PTPRA: variants seen among roughly 807,000 people sequenced by gnomAD.
PTPRA encodes protein tyrosine phosphatase receptor type A, also known as receptor-type tyrosine-protein phosphatase alpha.
In PTPRA, 25 loss-of-function variants were observed where a neutral mutation model predicts 104.8. That is an observed-to-expected ratio of 0.24 (90% CI 0.17 to 0.33). The LOEUF is 0.33. PTPRA is among the 10% of genes least tolerant of loss of function. The pLI, the probability that PTPRA is intolerant of heterozygous loss-of-function variation, is 1.00. For synonymous variants in PTPRA, 323 were observed against 368.9 expected (o/e 0.88, Z 1.43); for missense variants, 765 against 1,015.3 (o/e 0.75, Z 3.35).
chr20:2,944,039 CTTTTTTTTTTT>C (rs398061270), intron 2 of PTPRA, among the ~76,000 whole-genome samples: 2 of 127,596 alleles, frequency 1.6e-5, no homozygotes, highest in African/African-American at 5.8e-5. Flanking sequence ...CTCTACTGGT[CTTTTTTTTTTT>C]TTTTTTTTTA....
At chr20:2,962,681 A>T (rs1168186414) in intron 3 of PTPRA, among the ~76,000 whole-genome samples, 6 of 152,188 alleles carry the variant, frequency 3.9e-5, no homozygotes, top group African/African-American at 1.4e-4. Context: ...TATAAAATGT[A>T]AGTTTTATGA....
chr20:2,964,154 T>A, intron 3 of PTPRA, 118 bp from the exon 4 acceptor site: 2 of 802,242 alleles, frequency 2.5e-6, no homozygotes, highest in Non-Finnish European at 4.1e-6. Flanking sequence ...TCCCAAAAGA[T>A]CATTGGTTTA....
chr20:2,972,020 G>C (rs1234135294), intron 5 of PTPRA, among the ~76,000 whole-genome samples: 2 of 152,006 alleles, frequency 1.3e-5, no homozygotes. Context: ...TTTTAGTAGA[G>C]ACGTGGTTTC....
chr20:3,017,787 C>G (rs372379279), intron 12 of PTPRA, 29 bp from the exon 13 acceptor site: 13 of 1,583,718 alleles, frequency 8.2e-6, no homozygotes, highest in Non-Finnish European at 1.1e-5. Context: ...GGTGTATATT[C>G]TCTTCATTTT....
intron 2 of PTPRA, among the ~76,000 whole-genome samples, chr20:2,929,279 A>C (rs1302362337): frequency 6.6e-6 from 1 of 151,948 alleles, no homozygotes; most frequent in Non-Finnish European, 1.5e-5. Flanking sequence ...CTGTTTCTTA[A>C]ACTAGTCTTC....
Position 2,909,798 on chromosome 20 carries a change from TAA to T in PTPRA, c.-128-13408_-128-13407del, listed in dbSNP as rs1491179881. Among the ~76,000 whole-genome samples the T allele has an allele frequency of 2.0e-4, 27 of 133,256 alleles. 1 individual carries two copies. The highest frequency in any genetic ancestry group is 4.6e-4 in the South Asian group (2 of 4,376). The allele number at this position is 133,256 out of a possible 152,430, so 87.4% of individuals were successfully genotyped here. A position where few individuals can be genotyped will look rare whatever the true frequency, so the allele number is the denominator to read the frequency against. On this transcript the variant is annotated intron_variant, in intron 1 of 23. Coordinates refer to ENST00000399903, the MANE Select transcript of PTPRA (RefSeq NM_001385305.1). ...ATAAGATAATATAATATATATTAGATAATATATATAATATAAGATAATATATA... is the reference window on the plus strand; with the variant it reads ...ATAAGATAATATAATATATATTAGATTATATATAATATAAGATAATATATA...
intron 3 of PTPRA, among the ~76,000 whole-genome samples, chr20:2,953,846 C>T (rs1195773897): frequency 6.6e-6 from 1 of 151,650 alleles, no homozygotes; most frequent in Non-Finnish European, 1.5e-5. Context: ...CCACCTTGGC[C>T]TCCCAAAGTG....
chr20:2,976,941 C>T (rs1363696299), intron 6 of PTPRA, among the ~76,000 whole-genome samples: 1 of 152,146 alleles, frequency 6.6e-6, no homozygotes, highest in African/African-American at 2.4e-5. Flanking sequence ...TCTTCCTCTT[C>T]TGAAGTCCAG....
intron 2 of PTPRA, among the ~76,000 whole-genome samples, chr20:2,931,206 C>T (rs1386659083): frequency 1.3e-5 from 2 of 152,014 alleles, no homozygotes; most frequent in African/African-American, 4.8e-5. Context: ...ATGATTTAGC[C>T]TAGCTTGGAT....
At chr20:3,015,098 G>C (rs1184497955) in intron 11 of PTPRA, among the ~76,000 whole-genome samples, 2 of 152,026 alleles carry the variant, frequency 1.3e-5, no homozygotes, top group African/African-American at 4.8e-5. Context: ...TTTGCACCTG[G>C]GTAAAGCATC....
intron 1 of PTPRA, among the ~76,000 whole-genome samples, chr20:2,913,727 C>G (rs2059801928): frequency 6.6e-6 from 1 of 152,036 alleles, no homozygotes; most frequent in Non-Finnish European, 1.5e-5. Flanking sequence ...TGATGTTAAC[C>G]TTGGTCACTT....
At chr20:2,937,538 CAA>C (rs1160963701) in intron 2 of PTPRA, among the ~76,000 whole-genome samples, 1 of 152,070 alleles carries the variant, frequency 6.6e-6, no homozygotes, top group Non-Finnish European at 1.5e-5. Context: ...CTTTAAAACT[CAA>C]GAGAAGAATT....
rs1186502773 is a variant in PTPRA at position 2,988,380 on chromosome 20, A to G, written c.644A>G (p.Asn215Ser). The change falls in exon 9 of 24, where the codon AAC becomes AGC. Residue 215 changes from asparagine to serine, a missense_variant. Coordinates refer to ENST00000399903, the MANE Select transcript of PTPRA (RefSeq NM_001385305.1). ...CTTCTGGCCAGATCCCCAAGCACCAACAGGAAATACCCACCCCTGCCCGTG... is the reference window on the plus strand; with the variant it reads ...CTTCTGGCCAGATCCCCAAGCACCAGCAGGAAATACCCACCCCTGCCCGTG... The part of the protein sequence containing the change: ...VPLLARSPST[N>S]RKYPPLPVDK... 2 of 1,611,174 alleles carry G rather than the reference A, an allele frequency of 1.2e-6. No homozygotes were observed. Among genetic ancestry groups the G allele is most frequent in the South Asian group, 2.2e-5 (2 of 90,804 alleles).
intron 2 of PTPRA, among the ~76,000 whole-genome samples, chr20:2,926,782 T>TCC (rs2060313005): frequency 6.8e-6 from 1 of 146,474 alleles, no homozygotes; most frequent in Non-Finnish European, 1.5e-5. Context: ...TTTTTTTTTT[T>TCC]TTTTTTTTTT....
At chr20:2,953,474 C>T (rs116845231) in intron 3 of PTPRA, among the ~76,000 whole-genome samples, 13,096 of 151,686 alleles carry the variant, frequency 0.086, 767 homozygotes, top group Admixed American at 0.13. Context: ...AGGATGGTCT[C>T]GATCTCCGGA....
At chr20:2,940,056 G>A (rs1450313864) in intron 2 of PTPRA, among the ~76,000 whole-genome samples, 1 of 152,254 alleles carries the variant, frequency 6.6e-6, no homozygotes, top group African/African-American at 2.4e-5. Context: ...GTTGCAGTGA[G>A]CTGAGATCGC....
intron 1 of PTPRA, among the ~76,000 whole-genome samples, chr20:2,910,887 G>C (rs1162006891): frequency 6.6e-6 from 1 of 150,402 alleles, no homozygotes; most frequent in East Asian, 2.0e-4. Context: ...TCACAGGTGT[G>C]AGCCACCGCA....
intron 1 of PTPRA, among the ~76,000 whole-genome samples, chr20:2,879,331 G>A (rs2089922568): frequency 6.6e-6 from 1 of 152,180 alleles, no homozygotes; most frequent in African/African-American, 2.4e-5. Context: ...CAGTAGGTTT[G>A]GGGTGGGACT....
chr20:2,915,791 C>G (rs1283059341), intron 1 of PTPRA, among the ~76,000 whole-genome samples: 1 of 152,110 alleles, frequency 6.6e-6, no homozygotes, highest in Non-Finnish European at 1.5e-5. Flanking sequence ...ATTTCAAGAT[C>G]AGCCTCAGCA....
Sources: gnomAD v4.1 joint callset for allele counts (sites outside exome capture counted in the v4.1 genomes callset) on GRCh38, gnomAD v4.1.1 for gene constraint, MANE v1.5 for transcripts, NCBI Gene and HGNC (gene_info 2026-07-23, HGNC 2026-07-21) for gene names.